Variants in ZNF569 observed in about 807,000 individuals in gnomAD.
The protein encoded by ZNF569 is DNA-binding protein.
ZNF569 carries 38 observed loss-of-function variants against 56.3 expected under a neutral mutation model. That is an observed-to-expected ratio of 0.68 (90% CI 0.52 to 0.88). ZNF569 has a LOEUF of 0.88. Ranked by LOEUF, ZNF569 falls within the 40% of genes least tolerant of loss-of-function variation. The pLI is 0.00. For synonymous variants in ZNF569, 241 were observed against 262.9 expected (o/e 0.92, Z 0.81); for missense variants, 666 against 809.2 (o/e 0.82, Z 2.15).
intron 2 of ZNF569, among the ~76,000 whole-genome samples, chr19:37,454,146 A>C (rs1026241218): frequency 6.6e-6 from 1 of 152,152 alleles, no homozygotes; most frequent in African/African-American, 2.4e-5. Flanking sequence ...CCCAGGCTTC[A>C]ATAATATCCT....
chr19:37,418,802 G>A (rs1317249835), intron 5 of ZNF569, among the ~76,000 whole-genome samples: 2 of 152,112 alleles, frequency 1.3e-5, no homozygotes, highest in African/African-American at 2.4e-5. Context: ...ATAGACTCTA[G>A]AGTCAGGGAC....
At chr19:37,425,270 G>C (rs1269914706) in intron 5 of ZNF569, among the ~76,000 whole-genome samples, 1 of 151,292 alleles carries the variant, frequency 6.6e-6, no homozygotes, top group Non-Finnish European at 1.5e-5. Context: ...TCCCACCTCA[G>C]CCTTCCAAGC....
At position 37,465,328 on chromosome 19, in the gene ZNF569, G is replaced by C. The variant is rs1207060065; in HGVS notation, c.-59C>G. 1 of 152,022 alleles carries C rather than the reference G, an allele frequency of 6.6e-6. No homozygotes were observed. Among genetic ancestry groups the C allele is most frequent in the East Asian group, 1.9e-4 (1 of 5,194 alleles). The allele number at this position is 152,022 out of a possible 1,614,324, so 9.4% of individuals were successfully genotyped here. Reference sequence around the variant, plus strand: ...ATTTACTTACCTTGTTTATTATCCAGCCCACAAAAATGTAAGTACCATGAT... The same window carrying C: ...ATTTACTTACCTTGTTTATTATCCACCCCACAAAAATGTAAGTACCATGAT... On this transcript the variant is annotated 5_prime_UTR_variant, in exon 2 of 6. Coordinates refer to ENST00000316950, the MANE Select transcript of ZNF569 (RefSeq NM_152484.3).
At chr19:37,425,766 TG>T in intron 5 of ZNF569, 101 bp downstream of exon 5, 1 of 1,030,970 alleles carries the variant, frequency 9.7e-7, no homozygotes, top group Non-Finnish European at 1.5e-6. Flanking sequence ...TGCCAACCTC[TG>T]AAAATATCTT....
chr19:37,463,657 G>T (rs2041788357), intron 2 of ZNF569, among the ~76,000 whole-genome samples: 1 of 152,104 alleles, frequency 6.6e-6, no homozygotes, highest in Admixed American at 6.6e-5. Flanking sequence ...CCTCAAGCAG[G>T]TCCTTCCAGA....
intron 3 of ZNF569, among the ~76,000 whole-genome samples, chr19:37,431,928 G>A (rs140549118): frequency 8.5e-5 from 13 of 152,270 alleles, no homozygotes; most frequent in East Asian, 5.8e-4. Flanking sequence ...TGGTAGCCAC[G>A]GGGAGAAATT....
chr19:37,434,656 A>T (rs1006639976), intron 3 of ZNF569, among the ~76,000 whole-genome samples: 2 of 152,240 alleles, frequency 1.3e-5, no homozygotes, highest in Admixed American at 6.5e-5. Context: ...GATGGCCTAA[A>T]GCAATTGAAG....
At chr19:37,467,657 G>T (rs545607211), upstream of ZNF569, 3 of 597,180 alleles carry the variant, frequency 5.0e-6, no homozygotes, top group Middle Eastern at 4.4e-4. Context: ...GCCAGTGAAG[G>T]CCGGGTCAGC....
intron 3 of ZNF569, among the ~76,000 whole-genome samples, chr19:37,428,671 GA>G (rs1322733584): frequency 6.0e-5 from 9 of 150,710 alleles, no homozygotes; most frequent in Non-Finnish European, 1.3e-4. Flanking sequence ...ATCTGTGGTT[GA>G]ATTTTTTTTT....
At chr19:37,431,279 G>C (rs2041220958) in intron 3 of ZNF569, among the ~76,000 whole-genome samples, 1 of 152,144 alleles carries the variant, frequency 6.6e-6, no homozygotes, top group South Asian at 2.1e-4. Flanking sequence ...CGCAGCTCCA[G>C]GAGAGACCCC....
chr19:37,445,190 G>A (rs1600330718), intron 2 of ZNF569, among the ~76,000 whole-genome samples: 1 of 152,140 alleles, frequency 6.6e-6, no homozygotes, highest in East Asian at 1.9e-4. Flanking sequence ...GTATGTGGGA[G>A]CTCTGTATCA....
intron 3 of ZNF569, among the ~76,000 whole-genome samples, chr19:37,430,082 C>G (rs1371633582): frequency 2.0e-5 from 3 of 151,880 alleles, no homozygotes; most frequent in Non-Finnish European, 4.4e-5. Context: ...ATAGTCCTAG[C>G]CACTCAGGAG....
Position 37,413,506 on chromosome 19 carries a change from A to G in ZNF569, c.1152T>C (p.Cys384=). 6.2e-7 allele frequency: 1 copy of G among 1,613,510 alleles called. No homozygotes were observed. The highest frequency in any genetic ancestry group is 1.1e-5 in the South Asian group (1 of 91,004). The change falls in exon 6 of 6, where the codon TGT becomes TGC. Residue 384 remains cysteine (C), a synonymous_variant. Transcript: ENST00000316950. ...GAGAGAAGGCTTTTCCACACTCATT[A>G]CATTCATAGGGTTTTTCACCTGTAT... ...RIHTGEKPYE[C]NECGKAFSQS...
chr19:37,453,227 A>G (rs1282670327), intron 2 of ZNF569, among the ~76,000 whole-genome samples: 1 of 152,096 alleles, frequency 6.6e-6, no homozygotes, highest in African/African-American at 2.4e-5. Flanking sequence ...CTGGTACTGT[A>G]CCAGGGGCAG....
intron 3 of ZNF569, among the ~76,000 whole-genome samples, chr19:37,429,403 G>C (rs934835062): frequency 6.6e-5 from 10 of 152,190 alleles, no homozygotes; most frequent in Non-Finnish European, 1.2e-4. Context: ...CTGCCCTTTG[G>C]AGCTACAGGA....
At chr19:37,450,386 G>A (rs182373010) in intron 2 of ZNF569, among the ~76,000 whole-genome samples, 156 of 152,174 alleles carry the variant, frequency 1.0e-3, no homozygotes, top group African/African-American at 3.3e-3. Context: ...TTGGTAGTTC[G>A]TATGTTTCTA....
Position 37,414,020 on chromosome 19 carries a change from G to T in ZNF569, c.638C>A (p.Pro213His). ...TTTTCTACAGTTACTACATTCATAGGGCTTCTCTCCAGTATGAATTCTCAG... is the reference window on the plus strand; with the variant it reads ...TTTTCTACAGTTACTACATTCATAGTGCTTCTCTCCAGTATGAATTCTCAG... ...RHLRIHTGEK[P>H]YECSNCRKAF... The change falls in exon 6 of 6, where the codon CCC becomes CAC. Residue 213 changes from proline to histidine, a missense_variant. By Grantham distance (77) the Pro-to-His change is moderately conservative. Coordinates refer to ENST00000316950, the MANE Select transcript of ZNF569 (RefSeq NM_152484.3). 6.2e-7 allele frequency: 1 copy of T among 1,613,346 alleles called. No individual in the cohort carries two copies. Among genetic ancestry groups the T allele is most frequent in the Admixed American group, 1.7e-5 (1 of 59,994 alleles).
chr19:37,412,633 C>T lies in ZNF569; in HGVS notation c.2025G>A (p.Ser675=), dbSNP rs780514993. ...GAATTCTCTGGTGTCTAACAAGGTG[C>T]GACTTTTGGCTGAAAGCCTTGCCAC... ...IECGKAFSQK[S]HLVRHQRIHT... is the part of the protein sequence containing the mutation. Residue 675 remains serine (S), a synonymous_variant, in exon 6 of 6, where the codon TCG becomes TCA. Coordinates refer to ENST00000316950, the MANE Select transcript of ZNF569 (RefSeq NM_152484.3). 3.3e-5 allele frequency: 53 copies of T among 1,607,972 alleles called. No homozygotes were observed. The highest frequency in any genetic ancestry group is 1.2e-4 in the Admixed American group (7 of 58,788).
chr19:37,425,127 A>G (rs905295948), intron 5 of ZNF569, among the ~76,000 whole-genome samples: 15 of 151,766 alleles, frequency 9.9e-5, no homozygotes, highest in African/African-American at 3.6e-4. Flanking sequence ...ACATACACAC[A>G]CAAAAGGTCT....
Sources: gnomAD v4.1 joint callset for allele counts (sites outside exome capture counted in the v4.1 genomes callset) on GRCh38, gnomAD v4.1.1 for gene constraint, MANE v1.5 for transcripts, NCBI Gene and HGNC (gene_info 2026-07-23, HGNC 2026-07-21) for gene names.